PWWP2B: variants seen among roughly 807,000 people sequenced by gnomAD.
PWWP2B encodes the protein PWWP domain containing 2B, also known as PWWP domain-containing protein 2B.
A neutral mutation model predicts 15.5 loss-of-function variants in PWWP2B; 9 were observed. That is an observed-to-expected ratio of 0.58 (90% confidence interval 0.35 to 1.02). The LOEUF is 1.02. PWWP2B is among the 50% of genes least tolerant of loss of function. The probability of loss-of-function intolerance (pLI) is 0.02; values close to 1 mark genes in which losing one functional copy is unlikely to be tolerated. For missense variants in PWWP2B, 864 were observed against 865.3 expected (o/e 1.00, Z 0.02); for synonymous variants, 474 against 403.6 (o/e 1.17, Z -2.09).
intron 1 of PWWP2B, among the ~76,000 whole-genome samples, chr10:132,398,690 C>CCAGG (rs1215872260): frequency 6.6e-6 from 1 of 152,244 alleles, no homozygotes; most frequent in African/African-American, 2.4e-5. Context: ...ATCTACACCA[C>CCAGG]CGCCTCCCCT....
At chr10:132,407,218 C>A (rs2069712717) in intron 2 of PWWP2B, among the ~76,000 whole-genome samples, 1 of 152,110 alleles carries the variant, frequency 6.6e-6, no homozygotes, top group Non-Finnish European at 1.5e-5. Flanking sequence ...TCCTAGATGC[C>A]CCTCTTGTCT....
intron 2 of PWWP2B, among the ~76,000 whole-genome samples, chr10:132,406,517 G>T (rs2069701207): frequency 6.6e-6 from 1 of 152,266 alleles, no homozygotes; most frequent in Non-Finnish European, 1.5e-5. Context: ...GCCACCGCTG[G>T]TGCTTGTTGG....
rs1384789195 is a variant in PWWP2B, at chr10:132,404,543, G to C, written c.126-83G>C. ...CCCAGACCTGCCGGAGCATGGGTCGGGGGCCTTGGCTCTGGGGGCTGGTGC... is the reference window on the plus strand; with the variant it reads ...CCCAGACCTGCCGGAGCATGGGTCGCGGGCCTTGGCTCTGGGGGCTGGTGC... On this transcript the variant is annotated intron_variant, in intron 1 of 2. Coordinates refer to ENST00000305233, the MANE Select transcript of PWWP2B (RefSeq NM_138499.4). The C allele has an allele frequency of 2.0e-5, 24 of 1,219,340 alleles. No individual in the cohort carries two copies. The Admixed American group carries it at 3.9e-4, about 20-fold the overall frequency. 75.5% of individuals were successfully genotyped at this position (1,219,340 alleles called of 1,614,324 possible).
intron 2 of PWWP2B, among the ~76,000 whole-genome samples, chr10:132,416,653 C>T (rs542258858): frequency 1.8e-3 from 271 of 151,996 alleles, no homozygotes; most frequent in Admixed American, 3.0e-3. Flanking sequence ...TCCCCAGGCT[C>T]GGGTCTCCAC....
chr10:132,404,681 C>T lies in PWWP2B; in HGVS notation c.181C>T (p.Pro61Ser). 6.2e-7 allele frequency: 1 copy of T among 1,612,760 alleles called. No homozygotes were observed. The highest frequency in any genetic ancestry group is 8.5e-7 in the Non-Finnish European group (1 of 1,179,844). ...LAPLPQVDES[P>S]VNDSHGRAPE... ...TCCGCTGCCCCAGGTCGATGAGTCCCCTGTCAACGACAGCCATGGCCGGGC... is the reference window on the plus strand; with the variant it reads ...TCCGCTGCCCCAGGTCGATGAGTCCTCTGTCAACGACAGCCATGGCCGGGC... Residue 61 changes from proline (P) to serine (S), a missense_variant, in exon 2 of 3, where the codon CCT (proline) becomes TCT (serine). Pro to Ser is a moderately conservative substitution (Grantham distance 74). Coordinates refer to ENST00000305233, the MANE Select transcript of PWWP2B (RefSeq NM_138499.4).
chr10:132,400,990 G>A (rs2069607720), intron 1 of PWWP2B, among the ~76,000 whole-genome samples: 1 of 152,228 alleles, frequency 6.6e-6, no homozygotes, highest in South Asian at 2.1e-4. Context: ...AGGGGGCTTG[G>A]GCAGGCAGCC....
rs776824847 is a variant in PWWP2B, at chr10:132,404,890, G to A, written c.390G>A (p.Leu130=). ...YFEGAPFPHP[L]WLRDTYKLWV... is the part of the protein sequence containing the mutation. ...AAGGCGCCCCCTTCCCTCACCCGCT[G>A]TGGCTCCGGGACACGTACAAGCTGT... Residue 130 remains leucine (L), a synonymous_variant, in exon 2 of 3, where the codon CTG becomes CTA. Transcript: ENST00000305233. 29 of 1,594,416 alleles carry A rather than the reference G, an allele frequency of 1.8e-5. No individual in the cohort carries two copies. The African/African-American group carries it at 3.2e-4, about 18-fold the overall frequency.
chr10:132,404,833 C>A lies in PWWP2B; in HGVS notation c.333C>A (p.Ala111=). 6.4e-7 allele frequency: 1 copy of A among 1,570,314 alleles called. No homozygotes were observed. Among genetic ancestry groups the A allele is most frequent in the Non-Finnish European group, 8.6e-7 (1 of 1,162,520 alleles). The change falls in exon 2 of 3, where the codon GCC becomes GCA. Residue 111 remains alanine, a synonymous_variant. Coordinates refer to ENST00000305233, the MANE Select transcript of PWWP2B (RefSeq NM_138499.4). ...PPPPLVPPLP[A]GSLPPYPPYF... is the part of the protein sequence containing the mutation. ...CGCCCCTCGTGCCGCCGCTGCCCGC[C>A]GGAAGCCTGCCCCCGTACCCTCCCT... is the stretch of plus-strand genomic sequence containing the variant.
chr10:132,416,797 G>A (rs544036814), intron 2 of PWWP2B, among the ~76,000 whole-genome samples: 20 of 152,282 alleles, frequency 1.3e-4, no homozygotes, highest in Admixed American at 1.3e-3. Context: ...CTTCTCCGTG[G>A]CCCTGCGTGT....
At chr10:132,398,979 T>A (rs28654397) in intron 1 of PWWP2B, among the ~76,000 whole-genome samples, 67 of 112,060 alleles carry the variant, frequency 6.0e-4, no homozygotes, top group South Asian at 1.9e-3. Flanking sequence ...ATCTCCCCTG[T>A]GCCTGAGTCT....
chr10:132,407,887 CT>C (rs2069721126), intron 2 of PWWP2B, among the ~76,000 whole-genome samples: 1 of 152,198 alleles, frequency 6.6e-6, no homozygotes, highest in Admixed American at 6.5e-5. Flanking sequence ...GTCTGCTGTC[CT>C]GGGGGGCCCT....
intron 2 of PWWP2B, among the ~76,000 whole-genome samples, chr10:132,407,528 C>T (rs555225961): frequency 1.3e-5 from 2 of 152,200 alleles, no homozygotes; most frequent in East Asian, 1.9e-4. Flanking sequence ...CTGCACCCTG[C>T]GTATTGGGGT....
chr10:132,415,660 C>T (rs1279016075), intron 2 of PWWP2B, among the ~76,000 whole-genome samples: 7 of 145,080 alleles, frequency 4.8e-5, no homozygotes, highest in Non-Finnish European at 1.0e-4. Context: ...CACACATGCA[C>T]TCACACACTC....
chr10:132,404,478 G>A (rs79148078), intron 1 of PWWP2B, 148 bp from the exon 2 acceptor site: 33,878 of 706,960 alleles, frequency 0.048, 1,013 homozygotes, highest in Middle Eastern at 0.083. Context: ...TTGGTTTACC[G>A]TCCTGAAATA....
At position 132,405,970 on chromosome 10, in the gene PWWP2B, G is replaced by A. The variant is rs749714384; in HGVS notation, c.1470G>A (p.Val490=). ...CGGAGGACGGCAGGACTGTGGCCGT[G>A]GGGGACATCGTCTGGGGTAAGATCC... ...CITEDGRTVA[V]GDIVWGKIHG... Residue 490 remains valine, a synonymous_variant, in exon 2 of 3, where the codon GTG becomes GTA. Transcript: ENST00000305233. The A allele has an allele frequency of 1.7e-5, 28 of 1,613,432 alleles. No individual in the cohort carries two copies. In the Middle Eastern group the frequency reaches 4.9e-4, roughly 28 times the overall value.
intron 1 of PWWP2B, among the ~76,000 whole-genome samples, chr10:132,403,288 C>A (rs765524766): frequency 6.6e-6 from 1 of 152,142 alleles, no homozygotes; most frequent in African/African-American, 2.4e-5. Flanking sequence ...CCCTCCCCGG[C>A]GAGTCGCAAT....
At position 132,404,932 on chromosome 10, in the gene PWWP2B, G is replaced by A. The variant is rs370343331; in HGVS notation, c.432G>A (p.Pro144=). Residue 144 remains proline (P), a synonymous_variant, in exon 2 of 3, where the codon CCG becomes CCA. Coordinates refer to ENST00000305233, the MANE Select transcript of PWWP2B (RefSeq NM_138499.4). ...ACAAGCTGTGGGTGCCCCAGCCGCCGCCCAGGACCATCAAGCGCACGCGGC... is the reference window on the plus strand; with the variant it reads ...ACAAGCTGTGGGTGCCCCAGCCGCCACCCAGGACCATCAAGCGCACGCGGC... ...DTYKLWVPQP[P]PRTIKRTRRR... is the part of the protein sequence containing the mutation. 1.0e-5 allele frequency: 16 copies of A among 1,594,530 alleles called. No individual in the cohort carries two copies. The highest frequency in any genetic ancestry group is 3.3e-5 in the South Asian group (3 of 90,884).
At chr10:132,409,385 A>G (rs1366399117) in intron 2 of PWWP2B, among the ~76,000 whole-genome samples, 1 of 152,172 alleles carries the variant, frequency 6.6e-6, no homozygotes, top group Non-Finnish European at 1.5e-5. Context: ...CTCCTGCTTC[A>G]GGTGCAGGCA....
At position 132,405,182 on chromosome 10, in the gene PWWP2B, A is replaced by G. The variant is rs2069676746; in HGVS notation, c.682A>G (p.Thr228Ala). ...GAACGGCGAGCCCACGGCTGCGGCC[A>G]CCGCCAGGAGGAGCAAGAGGGAGAG... The part of the protein sequence containing the change: ...PENGEPTAAA[T>A]ARRSKRERRE... The change falls in exon 2 of 3, where the codon ACC (threonine) becomes GCC (alanine). Residue 228 changes from threonine (T) to alanine (A), a missense_variant. Transcript: ENST00000305233. 1 of 1,561,332 alleles carries G rather than the reference A, an allele frequency of 6.4e-7. No homozygotes were observed. The highest frequency in any genetic ancestry group is 8.7e-7 in the Non-Finnish European group (1 of 1,153,854).
Sources: allele counts gnomAD v4.1 joint callset (sites outside exome capture counted in the v4.1 genomes callset), GRCh38; gene constraint gnomAD v4.1.1; transcripts MANE v1.5; gene names NCBI Gene and HGNC (gene_info 2026-07-23, HGNC 2026-07-21).